Variants in UNC13C observed in about 807,000 individuals in gnomAD.
UNC13C encodes protein unc-13 homolog C.
A neutral mutation model predicts 245.4 loss-of-function variants in UNC13C; 174 were observed. The ratio of observed to expected loss-of-function variants is 0.71; its 90% confidence interval spans 0.63 to 0.80. The LOEUF (loss-of-function observed/expected upper bound fraction) is 0.80. UNC13C is among the 30% of genes least tolerant of loss of function. The pLI is 0.00. For missense variants in UNC13C, 2,829 were observed against 2,602.9 expected, an observed-to-expected ratio of 1.09 and a Z score of -1.89; for synonymous variants, 992 against 895.1, an observed-to-expected ratio of 1.11 and a Z score of -1.93.
chr15:53,987,377 A>T (rs557434658), intron 1 of UNC13C, among the ~76,000 whole-genome samples: 5 of 152,132 alleles, frequency 3.3e-5, no homozygotes, highest in African/African-American at 1.2e-4. Flanking sequence ...CCTAACACAT[A>T]ATCTTGCCAG....
At chr15:54,243,078 T>C (rs1214153894) in intron 7 of UNC13C, among the ~76,000 whole-genome samples, 3 of 152,146 alleles carry the variant, frequency 2.0e-5, no homozygotes, top group East Asian at 3.9e-4. Context: ...GATCAACCCA[T>C]CACCTTGGTA....
Position 54,627,151 on chromosome 15 carries a change from T to C in UNC13C, c.*38T>C. The stretch of plus-strand genomic sequence containing the variant: ...AAGCTAAATACATAACTATAATTGT[T>C]TGACTACTGCATGCATGTGCAAATA... On this transcript the variant is annotated 3_prime_UTR_variant, in exon 33 of 33. Transcript: ENST00000260323. 2 of 1,561,732 alleles carry C rather than the reference T, an allele frequency of 1.3e-6. No homozygotes were observed. The highest frequency in any genetic ancestry group is 1.2e-5 in the South Asian group (1 of 82,606).
chr15:53,973,102 A>G, the UNC13C span, among the ~76,000 whole-genome samples: 1 of 152,210 alleles, frequency 6.6e-6, no homozygotes, highest in Non-Finnish European at 1.5e-5. Context: ...ACTGAGGCTC[A>G]GGGAGATTAC....
intron 19 of UNC13C, among the ~76,000 whole-genome samples, chr15:54,455,447 A>T (rs922928380): frequency 2.7e-5 from 4 of 150,212 alleles, no homozygotes; most frequent in African/African-American, 9.8e-5. Context: ...CTGTGTTTCC[A>T]CAGTGGTTTT....
chr15:54,001,645 T>A (rs189876472), intron 1 of UNC13C, among the ~76,000 whole-genome samples: 5 of 152,160 alleles, frequency 3.3e-5, no homozygotes, highest in Non-Finnish European at 7.3e-5. Flanking sequence ...TTAGTACTTT[T>A]GATGTTGTGG....
chr15:53,987,041 G>A (rs1894174361), intron 1 of UNC13C, among the ~76,000 whole-genome samples: 1 of 151,956 alleles, frequency 6.6e-6, no homozygotes, highest in Non-Finnish European at 1.5e-5. Context: ...ACCTTTGTCT[G>A]CAATATTGCA....
At chr15:54,364,900 C>G (rs145341381) in intron 17 of UNC13C, among the ~76,000 whole-genome samples, 3,160 of 152,286 alleles carry the variant, frequency 0.021, 59 homozygotes, top group South Asian at 0.056. Flanking sequence ...TACATAAAAA[C>G]GATCAAACTC....
intron 8 of UNC13C, among the ~76,000 whole-genome samples, chr15:54,258,078 A>G (rs898143968): frequency 1.6e-4 from 24 of 151,850 alleles, no homozygotes; most frequent in African/African-American, 5.6e-4. Flanking sequence ...TCAATATCAG[A>G]CCCTCTGAAT....
chr15:53,929,213 G>A, the UNC13C span, among the ~76,000 whole-genome samples: 2 of 152,154 alleles, frequency 1.3e-5, no homozygotes, highest in African/African-American at 4.8e-5. Flanking sequence ...CAGATCTTGT[G>A]AGACTTATTC....
chr15:53,841,953 C>T, the UNC13C span, among the ~76,000 whole-genome samples: 1 of 152,128 alleles, frequency 6.6e-6, no homozygotes, highest in East Asian at 1.9e-4. Context: ...TTCTGGGTCA[C>T]TTTGGGGAAG....
intron 10 of UNC13C, among the ~76,000 whole-genome samples, chr15:54,289,764 T>C (rs1209391631): frequency 6.6e-6 from 1 of 151,914 alleles, no homozygotes; most frequent in Non-Finnish European, 1.5e-5. Flanking sequence ...AATAGTACTG[T>C]GAAACCCTGT....
intron 10 of UNC13C, among the ~76,000 whole-genome samples, chr15:54,280,008 A>G (rs1170303040): frequency 1.3e-5 from 2 of 152,202 alleles, no homozygotes; most frequent in Non-Finnish European, 2.9e-5. Context: ...GGGTAAGCAC[A>G]TACGTGTTTC....
chr15:54,259,099 G>T (rs1236167987), intron 8 of UNC13C, among the ~76,000 whole-genome samples: 1 of 152,212 alleles, frequency 6.6e-6, no homozygotes, highest in Non-Finnish European at 1.5e-5. Context: ...AGCCTATAAG[G>T]CCACTAATCC....
At chr15:54,478,937 TG>T (rs1214702621) in intron 19 of UNC13C, among the ~76,000 whole-genome samples, 1 of 152,118 alleles carries the variant, frequency 6.6e-6, no homozygotes, top group East Asian at 1.9e-4. Context: ...TATTAATGTG[TG>T]GGAGTCTAAG....
intron 8 of UNC13C, among the ~76,000 whole-genome samples, chr15:54,253,551 A>G (rs914124800): frequency 6.6e-6 from 1 of 152,214 alleles, no homozygotes; most frequent in African/African-American, 2.4e-5. Flanking sequence ...TTTTTCTTTA[A>G]TTAGTTCATT....
rs545621026 is a variant in UNC13C, at chr15:54,046,531, A to G, written c.2983+30645A>G. On this transcript the variant is annotated intron_variant, in intron 2 of 32. Transcript: ENST00000260323. ...AAAGATTTTATATTTGTCTTATTCC[A>G]AACCACCAGTGTATATAGTTTTGTT... is the stretch of plus-strand genomic sequence containing the variant. Among the ~76,000 whole-genome samples the G allele has an allele frequency of 1.2e-4, 19 of 152,256 alleles. No individual in the cohort carries two copies. The South Asian group carries it at 3.9e-3, about 32-fold the overall frequency.
intron 19 of UNC13C, among the ~76,000 whole-genome samples, chr15:54,493,674 A>G (rs992849964): frequency 2.0e-5 from 3 of 152,174 alleles, no homozygotes; most frequent in African/African-American, 4.8e-5. Context: ...GACCTCAAGC[A>G]GAATTTCTCA....
the UNC13C span, among the ~76,000 whole-genome samples, chr15:53,921,941 GAGTT>G: frequency 6.6e-6 from 1 of 152,316 alleles, no homozygotes; most frequent in African/African-American, 2.4e-5. Flanking sequence ...TGCGACTTGT[GAGTT>G]AGTTGGTTAC....
chr15:54,534,212 G>T (rs2141154285), intron 26 of UNC13C, among the ~76,000 whole-genome samples: 1 of 152,190 alleles, frequency 6.6e-6, no homozygotes, highest in East Asian at 1.9e-4. Flanking sequence ...CGCCCCTCCA[G>T]TGCAGCAGGT....
Sources: gnomAD v4.1 joint callset for allele counts (sites outside exome capture counted in the v4.1 genomes callset) on GRCh38, gnomAD v4.1.1 for gene constraint, MANE v1.5 for transcripts, NCBI Gene and HGNC (gene_info 2026-07-23, HGNC 2026-07-21) for gene names.